The following TRPM8 variants were observed in gnomAD, a reference collection of about 807,000 sequenced individuals.
TRPM8 encodes the protein transient receptor potential cation channel subfamily M member 8, also known as TRPM8 cationic channel.
TRPM8 carries 110 observed loss-of-function variants against 133.7 expected under a neutral mutation model. The observed-to-expected ratio is 0.82, with a 90% CI of 0.70 to 0.96. The LOEUF is 0.96. TRPM8 is among the 40% of genes least tolerant of loss of function. The pLI is 0.00. For synonymous variants in TRPM8, 535 were observed against 532.3 expected (o/e 1.01, Z -0.07); for missense variants, 1,291 against 1,379.5 (o/e 0.94, Z 1.02).
At position 233,961,926 on chromosome 2, in the gene TRPM8, G is replaced by C. The variant is rs376963544; in HGVS notation, c.1653+860G>C. ...TTACAGGCGTGAACCACCGTGTCCG[G>C]CCTCAGGTTTTCTTAATTGCAGAGC... On this transcript the variant is annotated intron_variant, in intron 12 of 25. Coordinates refer to ENST00000324695, the MANE Select transcript of TRPM8 (RefSeq NM_024080.5). Among the ~76,000 whole-genome samples the C allele has an allele frequency of 2.0e-5, 3 of 152,194 alleles. No homozygotes were observed. The East Asian group carries it at 5.8e-4, about 29-fold the overall frequency.
chr2:233,943,367 A>C (rs904075452), intron 6 of TRPM8, among the ~76,000 whole-genome samples: 7 of 152,130 alleles, frequency 4.6e-5, no homozygotes, highest in African/African-American at 1.7e-4. Flanking sequence ...GCACATATAC[A>C]CCATGGAATA....
intron 21 of TRPM8, among the ~76,000 whole-genome samples, 182 bp downstream of exon 21, chr2:233,986,047 T>C (rs1037920385): frequency 6.6e-6 from 1 of 152,254 alleles, no homozygotes; most frequent in African/African-American, 2.4e-5. Flanking sequence ...AAATATAAGC[T>C]GTGCCTTGAG....
At chr2:233,939,227 T>C (rs772287915) in intron 5 of TRPM8, 52 bp downstream of exon 5, 2 of 1,595,954 alleles carry the variant, frequency 1.3e-6, no homozygotes, top group African/African-American at 2.7e-5. Context: ...TGCACCAAGT[T>C]TGGGGAGCAG....
At chr2:233,964,380 C>T (rs376001770) in intron 13 of TRPM8, among the ~76,000 whole-genome samples, 2 of 151,592 alleles carry the variant, frequency 1.3e-5, no homozygotes, top group East Asian at 1.9e-4. Flanking sequence ...GGCGAAACCC[C>T]GTCTCTACTA....
At position 233,930,656 on chromosome 2, in the gene TRPM8, C is replaced by A; in HGVS notation, c.118-12C>A. ...AATTAGTAATGTGTTATTCAATGTT[C>A]TCTCTCCAAAGGACTTGGTGAATTT... On this transcript the variant is annotated splice_polypyrimidine_tract_variant and intron_variant, in intron 2 of 25. Coordinates refer to ENST00000324695, the MANE Select transcript of TRPM8 (RefSeq NM_024080.5). 1.3e-6 allele frequency: 2 copies of A among 1,576,662 alleles called. No homozygotes were observed. The highest frequency in any genetic ancestry group is 8.7e-7 in the Non-Finnish European group (1 of 1,149,462).
chr2:233,985,910 G>A (rs199932703), intron 21 of TRPM8, 45 bp downstream of exon 21: 53 of 1,554,870 alleles, frequency 3.4e-5, no homozygotes, highest in Non-Finnish European at 4.5e-5. Flanking sequence ...CCTGGGCCAA[G>A]CCCCATGCCA....
intron 5 of TRPM8, among the ~76,000 whole-genome samples, chr2:233,940,284 GT>G (rs397736139): frequency 0.042 from 5,691 of 137,108 alleles, 134 homozygotes; most frequent in Admixed American, 0.073. Flanking sequence ...CTAGACATGG[GT>G]TTTTTTTTTT....
At chr2:234,000,681 C>CTT (rs11312917) in intron 22 of TRPM8, among the ~76,000 whole-genome samples, 3 of 145,478 alleles carry the variant, frequency 2.1e-5, no homozygotes, top group Admixed American at 6.8e-5. Flanking sequence ...AAGAAACAAC[C>CTT]TTTTTTTTTT....
intron 11 of TRPM8, among the ~76,000 whole-genome samples, chr2:233,956,846 G>A (rs1188594188): frequency 6.6e-6 from 1 of 151,676 alleles, no homozygotes; most frequent in Non-Finnish European, 1.5e-5. Context: ...AGGGAAAGTG[G>A]AACTATAAGT....
At chr2:233,942,816 C>A in intron 6 of TRPM8, 68 bp downstream of exon 6, 1 of 1,595,996 alleles carries the variant, frequency 6.3e-7, no homozygotes, top group Non-Finnish European at 8.6e-7. Context: ...GGCCTGTGGC[C>A]TGAACCCTGG....
In TRPM8 at chr2:233,980,203, G is replaced by C; in HGVS notation, c.2371G>C (p.Val791Leu). ...CTGTACGCAGTGGTACGTAAATGGG[G>C]TGAATTATTTTACTGACCTGTGGAA... ...DEVRQWYVNG[V>L]NYFTDLWNVM... The change falls in exon 18 of 26, where the codon GTG becomes CTG. Residue 791 changes from valine (V) to leucine (L), a missense_variant. Physicochemically the swap from Val to Leu is conservative, Grantham distance 32 (BLOSUM62 1). This residue lies in a region of TRPM8 where 328 missense variants were observed against 410.6 expected (regional missense o/e 0.80). Transcript: ENST00000324695. The C allele has an allele frequency of 6.2e-7, 1 of 1,603,076 alleles. No homozygotes were observed. Among genetic ancestry groups the C allele is most frequent in the Non-Finnish European group, 8.5e-7 (1 of 1,175,588 alleles).
chr2:233,921,867 T>A (rs1691419116), intron 1 of TRPM8, among the ~76,000 whole-genome samples: 7 of 152,134 alleles, frequency 4.6e-5, no homozygotes, highest in Admixed American at 3.9e-4. Flanking sequence ...GAGATGGGAT[T>A]TCGCCATGTT....
intron 2 of TRPM8, among the ~76,000 whole-genome samples, chr2:233,929,176 T>C (rs959334236): frequency 6.6e-6 from 1 of 152,184 alleles, no homozygotes; most frequent in African/African-American, 2.4e-5. Context: ...ATACCACTTG[T>C]AACATTCTTA....
chr2:233,927,759 TTTCTTTC>T (rs1691556702), intron 2 of TRPM8, among the ~76,000 whole-genome samples: 1 of 68,868 alleles, frequency 1.5e-5, no homozygotes, highest in Non-Finnish European at 2.2e-5. Context: ...TCTTTCTTTC[TTTCTTTC>T]TTTCTTTCTT....
intron 11 of TRPM8, among the ~76,000 whole-genome samples, chr2:233,955,711 G>C (rs1393967126): frequency 2.0e-5 from 3 of 152,172 alleles, no homozygotes; most frequent in Non-Finnish European, 2.9e-5. Flanking sequence ...ATACATAAGA[G>C]ACAAATAGAA....
At chr2:234,006,576 C>A (rs1472813541) in intron 22 of TRPM8, among the ~76,000 whole-genome samples, 2 of 152,166 alleles carry the variant, frequency 1.3e-5, no homozygotes, top group Admixed American at 6.5e-5. Flanking sequence ...TTTGCGAAGT[C>A]ACAAAACACA....
intron 21 of TRPM8, among the ~76,000 whole-genome samples, chr2:233,990,697 C>A (rs1692254363): frequency 6.6e-6 from 1 of 152,170 alleles, no homozygotes; most frequent in Non-Finnish European, 1.5e-5. Context: ...GTAGGGTGTT[C>A]TAACCACGAG....
At position 234,006,206 on chromosome 2, in the gene TRPM8, C is replaced by T. The variant is rs367886086; in HGVS notation, c.3131-647C>T. On this transcript the variant is annotated intron_variant, in intron 22 of 25. Transcript: ENST00000324695. Reference sequence around the variant, plus strand: ...GTGGAGGTTTGACGTCCATTGCATTCGTACCTGAAATATAGGTGACATGTG... The same window carrying T: ...GTGGAGGTTTGACGTCCATTGCATTTGTACCTGAAATATAGGTGACATGTG... Among the ~76,000 whole-genome samples the T allele has an allele frequency of 7.2e-5, 11 of 152,298 alleles. No homozygotes were observed. In the East Asian group the frequency reaches 1.7e-3, roughly 24 times the overall value.
intron 5 of TRPM8, among the ~76,000 whole-genome samples, chr2:233,941,121 T>C (rs1380696581): frequency 6.6e-6 from 1 of 152,232 alleles, no homozygotes; most frequent in Non-Finnish European, 1.5e-5. Flanking sequence ...CCCTAGTTCC[T>C]GAAAAACAAC....
Sources: gnomAD v4.1 joint callset for allele counts (sites outside exome capture counted in the v4.1 genomes callset) on GRCh38, gnomAD v4.1.1 for gene constraint, gnomAD v4.1.1 regional missense constraint, MANE v1.5 for transcripts, NCBI Gene and HGNC (gene_info 2026-07-23, HGNC 2026-07-21) for gene names.